The following ACACA variants were observed in gnomAD, a reference collection of about 807,000 sequenced individuals.
ACACA encodes acetyl-CoA carboxylase 1.
In ACACA, 103 loss-of-function variants were observed where a neutral mutation model predicts 296.1. The observed-to-expected ratio is 0.35, with a 90% CI of 0.30 to 0.41. The LOEUF (loss-of-function observed/expected upper bound fraction) is 0.41, where lower values mean the gene tolerates loss of function less well. ACACA is among the 10% of genes least tolerant of loss of function. The pLI, the probability that ACACA is intolerant of heterozygous loss-of-function variation, is 1.00. For missense variants in ACACA, 1,554 were observed against 2,989.7 expected (o/e 0.52, Z 11.20); for synonymous variants, 953 against 1,038.6 (o/e 0.92, Z 1.58).
intron 1 of ACACA, chr17:37,367,818 A>C (rs950231671): frequency 1.3e-5 from 2 of 152,362 alleles, no homozygotes; most frequent in African/African-American, 4.8e-5. Context: ...TTGCAATCCC[A>C]ACACTGTGAG....
At chr17:37,319,953 A>AAAATAAAT (rs547850944) in intron 3 of ACACA, among the ~76,000 whole-genome samples, 1 of 151,716 alleles carries the variant, frequency 6.6e-6, no homozygotes, top group South Asian at 2.1e-4. Flanking sequence ...TCCATCTCAA[A>AAAATAAAT]AAATAAATAA....
intron 35 of ACACA, among the ~76,000 whole-genome samples, chr17:37,199,250 A>G (rs2078139858): frequency 6.6e-6 from 1 of 151,884 alleles, no homozygotes; most frequent in African/African-American, 2.4e-5. Flanking sequence ...AAAAAAAAAA[A>G]AAAGAAAGAA....
In ACACA at chr17:37,161,937, T is replaced by C. The variant is rs936493808; in HGVS notation, c.5193A>G (p.Gln1731=). 5.0e-6 allele frequency: 8 copies of C among 1,614,084 alleles called. No homozygotes were observed. Among genetic ancestry groups the C allele is most frequent in the Admixed American group, 1.7e-5 (1 of 60,006 alleles). ...AAGCTCTGAGAAATAACAAATCCTC[T>C]TGAGGCCCAAAGGACCCAATTCGGT... ...ITYRIGSFGP[Q]EDLLFLRASE... The change falls in exon 42 of 56, where the codon CAA becomes CAG. Residue 1731 remains glutamine, a synonymous_variant. Transcript: ENST00000616317.
At chr17:37,333,629 C>T (rs2047985271) in intron 2 of ACACA, among the ~76,000 whole-genome samples, 1 of 151,752 alleles carries the variant, frequency 6.6e-6, no homozygotes, top group Non-Finnish European at 1.5e-5. Context: ...TCACCAAACC[C>T]TTCACTTAGG....
chr17:37,128,024 CAAAAAAAAAA>C (rs1173864454), intron 47 of ACACA, among the ~76,000 whole-genome samples: 8 of 39,712 alleles, frequency 2.0e-4, no homozygotes, highest in Non-Finnish European at 2.8e-4. Context: ...AACTCCATCT[CAAAAAAAAAA>C]AAAAAAAAAA....
intron 8 of ACACA, among the ~76,000 whole-genome samples, chr17:37,275,538 G>A (rs1488434710): frequency 2.0e-5 from 3 of 151,278 alleles, no homozygotes; most frequent in Admixed American, 6.6e-5. Flanking sequence ...AAAAACATTG[G>A]CAAGGAAACA....
In ACACA at chr17:37,235,103, C is replaced by T. The variant is rs1261897085; in HGVS notation, c.3122-4G>A. ...AATACACATTTGTCATAGTGACCTG[C>T]ACACCATGAAAAGAACTGGTTCTCA... On this transcript the variant is annotated splice_polypyrimidine_tract_variant and splice_region_variant and intron_variant, in intron 24 of 55. Coordinates refer to ENST00000616317, the MANE Select transcript of ACACA (RefSeq NM_198834.3). The T allele has an allele frequency of 9.3e-6, 15 of 1,612,972 alleles. No individual in the cohort carries two copies. The highest frequency in any genetic ancestry group is 2.7e-5 in the African/African-American group (2 of 74,804).
At chr17:37,279,417 G>A (rs1349708705) in intron 5 of ACACA, among the ~76,000 whole-genome samples, 1 of 152,000 alleles carries the variant, frequency 6.6e-6, no homozygotes, top group African/African-American at 2.4e-5. Flanking sequence ...GGCGGATCAC[G>A]AGGTCAGGAG....
intron 54 of ACACA, among the ~76,000 whole-genome samples, chr17:37,092,428 A>G (rs983292535): frequency 2.0e-5 from 3 of 152,192 alleles, no homozygotes; most frequent in African/African-American, 7.2e-5. Context: ...TTTTATCAAT[A>G]AAATATCAAT....
chr17:37,188,521 TCTAA>T (rs1246931248), intron 38 of ACACA, 41 bp from the exon 39 acceptor site: 14 of 1,601,496 alleles, frequency 8.7e-6, no homozygotes, highest in African/African-American at 2.7e-5. Flanking sequence ...TTAAATATCT[TCTAA>T]CTAAGACCTG....
intron 1 of ACACA, chr17:37,379,046 T>C: frequency 7.0e-7 from 1 of 1,423,132 alleles, no homozygotes; most frequent in Non-Finnish European, 9.4e-7. Context: ...CACTCCAGCT[T>C]GGGTGACAGA....
At position 37,244,707 on chromosome 17, in the gene ACACA, G is replaced by A. The variant is rs2287351; in HGVS notation, c.2623C>T (p.Arg875Trp). The change falls in exon 21 of 56, where the codon CGG (arginine) becomes TGG (tryptophan). Residue 875 changes from arginine (R) to tryptophan (W), a missense_variant. This residue lies in a region of ACACA where 316 missense variants were observed against 540.9 expected (regional missense o/e 0.58). Transcript: ENST00000616317. ...QAELHTGSLP[R>W]IQSTALRGEK... ...CCTCTGAGTGCCGTGCTCTGGATCC[G>A]TGGCAGACTACCTGTGTGAAGTTCA... The A allele has an allele frequency of 4.1e-4, 660 of 1,614,142 alleles. 4 individuals carry two copies. The East Asian group carries it at 5.7e-3, about 14-fold the overall frequency.
At chr17:37,335,485 G>A (rs751409049) in intron 2 of ACACA, among the ~76,000 whole-genome samples, 3 of 152,086 alleles carry the variant, frequency 2.0e-5, no homozygotes, top group African/African-American at 4.8e-5. Context: ...TTTTGTCTGT[G>A]GTACCTCAGC....
intron 10 of ACACA, among the ~76,000 whole-genome samples, chr17:37,264,627 T>C (rs1428156394): frequency 6.6e-6 from 1 of 152,240 alleles, no homozygotes; most frequent in African/African-American, 2.4e-5. Flanking sequence ...ATCTTTTATC[T>C]GTTCAAAGAA....
rs138504723 is a variant in ACACA, at chr17:37,304,653, C to T, written c.339-19683G>A. 5.7e-3 allele frequency among the ~76,000 whole-genome samples: 872 copies of T among 151,968 alleles called. 3 individuals carry two copies. Among genetic ancestry groups the T allele is most frequent in the Middle Eastern group, 0.017 (5 of 294 alleles). ...TACTAAAAATACAAAATTAGCTGGGCGTGGTGGTGCACGCCTGTACCAGCT... is the reference window on the plus strand; with the variant it reads ...TACTAAAAATACAAAATTAGCTGGGTGTGGTGGTGCACGCCTGTACCAGCT... On this transcript the variant is annotated intron_variant, in intron 3 of 55. Transcript: ENST00000616317.
chr17:37,386,147 T>C (rs1474748205), intron 1 of ACACA: 3 of 1,447,028 alleles, frequency 2.1e-6, no homozygotes, highest in Non-Finnish European at 2.9e-6. Flanking sequence ...AGCTTTGAAA[T>C]GACAAAGTAC....
chr17:37,319,386 T>C (rs897756879), intron 3 of ACACA, among the ~76,000 whole-genome samples: 2 of 152,158 alleles, frequency 1.3e-5, no homozygotes, highest in Non-Finnish European at 2.9e-5. Flanking sequence ...TAAAAAAATA[T>C]GAATATATAC....
At chr17:37,191,889 TA>T (rs562910894) in intron 37 of ACACA, among the ~76,000 whole-genome samples, 200 bp downstream of exon 37, 3,154 of 141,070 alleles carry the variant, frequency 0.022, 45 homozygotes, top group East Asian at 0.055. Context: ...TTCTGCTTTG[TA>T]AAAAAAAAAA....
In ACACA at chr17:37,248,618, T is replaced by C. The variant is rs1298053579; in HGVS notation, c.2138A>G (p.Tyr713Cys). 10 of 1,610,870 alleles carry C rather than the reference T, an allele frequency of 6.2e-6. No individual in the cohort carries two copies. Among genetic ancestry groups the C allele is most frequent in the Non-Finnish European group, 8.5e-6 (10 of 1,177,668 alleles). ...LLNTVDVELIYEGVKYVLKVT... is the reference protein window; with the variant it reads ...LLNTVDVELICEGVKYVLKVT... ...CTTAAGTACATACTTGACTCCCTCATAGATAAGTTCAACATCTACTGTATT... is the reference window on the plus strand; with the variant it reads ...CTTAAGTACATACTTGACTCCCTCACAGATAAGTTCAACATCTACTGTATT... The change falls in exon 17 of 56, where the codon TAT (tyrosine) becomes TGT (cysteine). Residue 713 changes from tyrosine (Y) to cysteine (C), a missense_variant. Tyr to Cys is a radical substitution (Grantham distance 194). Coordinates refer to ENST00000616317, the MANE Select transcript of ACACA (RefSeq NM_198834.3).
Sources: allele counts gnomAD v4.1 joint callset (sites outside exome capture counted in the v4.1 genomes callset), GRCh38; gene constraint gnomAD v4.1.1; regional missense constraint gnomAD v4.1.1; transcripts MANE v1.5; gene names NCBI Gene and HGNC (gene_info 2026-07-23, HGNC 2026-07-21).